The following WDR49 variants were observed in gnomAD, a reference collection of about 807,000 sequenced individuals.
The protein encoded by WDR49 is cilia- and flagella-associated protein 337.
A neutral mutation model predicts 119.5 loss-of-function variants in WDR49; 107 were observed. The ratio of observed to expected loss-of-function variants is 0.90; its 90% confidence interval spans 0.77 to 1.05. The LOEUF (loss-of-function observed/expected upper bound fraction) is 1.05, where lower values mean the gene tolerates loss of function less well. Ranked by LOEUF, WDR49 falls within the 50% of genes least tolerant of loss-of-function variation. The probability of loss-of-function intolerance (pLI) is 0.00; values close to 1 mark genes in which losing one functional copy is unlikely to be tolerated. For synonymous variants in WDR49, 425 were observed against 418.8 expected (o/e 1.01, Z -0.18); for missense variants, 1,240 against 1,220.5 (o/e 1.02, Z -0.24).
chr3:167,645,075 A>G (rs1037382658), intron 2 of WDR49, among the ~76,000 whole-genome samples: 1 of 152,072 alleles, frequency 6.6e-6, no homozygotes, highest in African/African-American at 2.4e-5. Flanking sequence ...AATACACCAG[A>G]AAATATTAAG....
At chr3:167,503,736 C>A (rs1268149713) in intron 17 of WDR49, among the ~76,000 whole-genome samples, 1 of 152,160 alleles carries the variant, frequency 6.6e-6, no homozygotes, top group African/African-American at 2.4e-5. Context: ...TGGAGGGCGA[C>A]TGAAAGCTCA....
At chr3:167,646,847 G>A (rs768531505) in intron 2 of WDR49, among the ~76,000 whole-genome samples, 1 of 152,044 alleles carries the variant, frequency 6.6e-6, no homozygotes, top group Non-Finnish European at 1.5e-5. Context: ...TTTCATAATA[G>A]TCACATCCAT....
At chr3:167,550,504 A>G (rs553231114) in intron 10 of WDR49, among the ~76,000 whole-genome samples, 1 of 152,130 alleles carries the variant, frequency 6.6e-6, no homozygotes, top group African/African-American at 2.4e-5. Flanking sequence ...TTATGTGTGC[A>G]TGTCTAGACT....
At chr3:167,568,982 G>A (rs557696385) in intron 8 of WDR49, among the ~76,000 whole-genome samples, 17 of 150,030 alleles carry the variant, frequency 1.1e-4, no homozygotes, top group East Asian at 1.9e-4. Context: ...TTGCTCTGTC[G>A]CCCAGGTTGG....
chr3:167,519,819 C>T (rs952965883), intron 16 of WDR49, among the ~76,000 whole-genome samples: 1 of 152,030 alleles, frequency 6.6e-6, no homozygotes, highest in African/African-American at 2.4e-5. Flanking sequence ...CCCTATATAT[C>T]AGCACTGATT....
At chr3:167,491,085 G>A (rs566117849) in intron 18 of WDR49, among the ~76,000 whole-genome samples, 154 of 152,078 alleles carry the variant, frequency 1.0e-3, no homozygotes, top group African/African-American at 3.3e-3. Flanking sequence ...TCCCAGGATC[G>A]TTGGGACTTC....
chr3:167,595,306 C>T (rs1050460020), intron 7 of WDR49, among the ~76,000 whole-genome samples: 9 of 152,106 alleles, frequency 5.9e-5, no homozygotes, highest in African/African-American at 2.2e-4. Flanking sequence ...AGATAATTTA[C>T]AGATTCAATG....
intron 7 of WDR49, among the ~76,000 whole-genome samples, chr3:167,584,246 G>A (rs1231936615): frequency 6.6e-6 from 1 of 151,896 alleles, no homozygotes; most frequent in African/African-American, 2.4e-5. Context: ...CTAAAATATG[G>A]AGAAAAAAAA....
intron 15 of WDR49, among the ~76,000 whole-genome samples, chr3:167,524,888 G>A (rs1024620228): frequency 6.6e-6 from 1 of 152,068 alleles, no homozygotes; most frequent in Admixed American, 6.6e-5. Flanking sequence ...TGGCAACATG[G>A]GCTCTTTTTC....
At chr3:167,605,133 C>T (rs949312978) in intron 5 of WDR49, among the ~76,000 whole-genome samples, 23 of 150,744 alleles carry the variant, frequency 1.5e-4, no homozygotes, top group African/African-American at 5.6e-4. Context: ...CACACATACA[C>T]AGGTATTTAT....
chr3:167,589,336 G>A (rs1329118937), intron 7 of WDR49, among the ~76,000 whole-genome samples: 5 of 152,054 alleles, frequency 3.3e-5, no homozygotes, highest in Admixed American at 1.3e-4. Flanking sequence ...TTTGGTTACT[G>A]TAGCTCCATA....
intron 4 of WDR49, 72 bp from the exon 5 acceptor site, chr3:167,620,675 A>T (rs561677400): frequency 7.2e-7 from 1 of 1,391,526 alleles, no homozygotes; most frequent in East Asian, 2.5e-5. Context: ...AGGTTATTTT[A>T]GTTTAATAAG....
At chr3:167,554,514 A>G (rs1298798345) in intron 10 of WDR49, 136 bp downstream of exon 10, 6 of 486,722 alleles carry the variant, frequency 1.2e-5, no homozygotes, top group African/African-American at 8.0e-5. Flanking sequence ...TTTATTCACT[A>G]AGCATTCAGT....
intron 11 of WDR49, among the ~76,000 whole-genome samples, chr3:167,533,551 G>A (rs1752921571): frequency 6.6e-6 from 1 of 152,034 alleles, no homozygotes; most frequent in Admixed American, 6.6e-5. Context: ...ATGTGTGTGG[G>A]TGGGTGTGTG....
chr3:167,585,242 C>T (rs899599136), intron 7 of WDR49, among the ~76,000 whole-genome samples: 7 of 152,094 alleles, frequency 4.6e-5, no homozygotes, highest in Non-Finnish European at 8.8e-5. Flanking sequence ...AGAAAACAGA[C>T]ACTTTCATAT....
chr3:167,479,244 T>C (rs1414775342), intron 18 of WDR49, among the ~76,000 whole-genome samples: 3 of 152,174 alleles, frequency 2.0e-5, no homozygotes, highest in African/African-American at 7.2e-5. Flanking sequence ...TCCACCATTC[T>C]AAGGGTAGAG....
At chr3:167,638,824 T>C (rs1180481360) in intron 2 of WDR49, among the ~76,000 whole-genome samples, 3 of 151,622 alleles carry the variant, frequency 2.0e-5, no homozygotes, top group African/African-American at 7.2e-5. Context: ...GTTTTGTAAC[T>C]AACAAAGACA....
At chr3:167,565,089 G>T (rs1483604351) in intron 8 of WDR49, among the ~76,000 whole-genome samples, 1 of 152,064 alleles carries the variant, frequency 6.6e-6, no homozygotes, top group Admixed American at 6.5e-5. Context: ...TTACATTTCA[G>T]TGAATAGGGA....
chr3:167,520,373 GA>G (rs897434592), intron 16 of WDR49, among the ~76,000 whole-genome samples: 1 of 151,828 alleles, frequency 6.6e-6, no homozygotes, highest in African/African-American at 2.4e-5. Flanking sequence ...GTGATGGAAA[GA>G]AAAAAAATGA....
Sources: gnomAD v4.1 joint callset for allele counts (sites outside exome capture counted in the v4.1 genomes callset) on GRCh38, gnomAD v4.1.1 for gene constraint, MANE v1.5 for transcripts, NCBI Gene and HGNC (gene_info 2026-07-23, HGNC 2026-07-21) for gene names.